The following DPYD variants were observed in gnomAD, a reference collection of about 807,000 sequenced individuals.
The protein encoded by DPYD is dihydropyrimidine dehydrogenase.
DPYD carries 109 observed loss-of-function variants against 116.2 expected under a neutral mutation model. The observed-to-expected ratio is 0.94, with a 90% confidence interval of 0.80 to 1.10. The LOEUF is 1.10. Ranked by LOEUF, DPYD falls within the 50% of genes least tolerant of loss-of-function variation. The pLI is 0.00. For synonymous variants in DPYD, 440 were observed against 432.0 expected, an observed-to-expected ratio of 1.02 and a Z score of -0.23; for missense variants, 1,302 against 1,254.5, an observed-to-expected ratio of 1.04 and a Z score of -0.57.
chr1:97,499,451 A>C (rs965230103), intron 13 of DPYD, among the ~76,000 whole-genome samples: 3 of 151,842 alleles, frequency 2.0e-5, no homozygotes, highest in African/African-American at 7.2e-5. Context: ...TTTACTATGC[A>C]TATATCTCCA....
intron 18 of DPYD, among the ~76,000 whole-genome samples, chr1:97,268,825 T>A (rs1664395991): frequency 6.6e-6 from 1 of 152,188 alleles, no homozygotes; most frequent in Non-Finnish European, 1.5e-5. Context: ...TCTTGATGAA[T>A]AAAACCTGGA....
At chr1:97,345,545 C>T (rs1669797825) in intron 16 of DPYD, among the ~76,000 whole-genome samples, 1 of 151,916 alleles carries the variant, frequency 6.6e-6, no homozygotes, top group African/African-American at 2.4e-5. Context: ...ACCTTTCCCT[C>T]ATAACTCATA....
rs570799723 is a variant in DPYD, at chr1:97,422,730, A to G, written c.1905+27329T>C. 2.0e-5 allele frequency among the ~76,000 whole-genome samples: 3 copies of G among 152,294 alleles called. No individual in the cohort carries two copies. In the East Asian group the frequency reaches 5.8e-4, roughly 29 times the overall value. On this transcript the variant is annotated intron_variant, in intron 14 of 22. Coordinates refer to ENST00000370192, the MANE Select transcript of DPYD (RefSeq NM_000110.4). ...GAGAATACAGTATTCAAGAAAACAT[A>G]TATGACACTTGCATACTTCAAGCTT... is the stretch of plus-strand genomic sequence containing the variant.
intron 18 of DPYD, among the ~76,000 whole-genome samples, chr1:97,266,533 T>C (rs1016038115): frequency 6.6e-6 from 1 of 152,220 alleles, no homozygotes; most frequent in African/African-American, 2.4e-5. Flanking sequence ...TCATTTCTTT[T>C]TTTATTATTA....
chr1:97,495,933 T>G (rs1679240986), intron 13 of DPYD, among the ~76,000 whole-genome samples: 1 of 152,140 alleles, frequency 6.6e-6, no homozygotes, highest in South Asian at 2.1e-4. Flanking sequence ...CTTTATTAGG[T>G]TGACCTTTTC....
chr1:97,341,930 T>C (rs1669606431), intron 16 of DPYD, among the ~76,000 whole-genome samples: 2 of 152,068 alleles, frequency 1.3e-5, no homozygotes, highest in African/African-American at 2.4e-5. Flanking sequence ...ATGCTACAAA[T>C]AGGAGATTTG....
intron 12 of DPYD, among the ~76,000 whole-genome samples, chr1:97,516,221 G>A (rs1024703807): frequency 6.6e-6 from 1 of 151,736 alleles, no homozygotes; most frequent in African/African-American, 2.4e-5. Context: ...AATACAAAAG[G>A]GAATAATTTT....
At chr1:97,250,059 C>A (rs561609600) in intron 18 of DPYD, among the ~76,000 whole-genome samples, 3 of 152,184 alleles carry the variant, frequency 2.0e-5, no homozygotes, top group Admixed American at 2.0e-4. Context: ...ATCACGAGGT[C>A]AGGAGTTGGA....
intron 8 of DPYD, among the ~76,000 whole-genome samples, chr1:97,609,664 A>C (rs1033538638): frequency 2.6e-5 from 4 of 151,974 alleles, no homozygotes; most frequent in African/African-American, 9.7e-5. Flanking sequence ...AAAACTGTTA[A>C]ATACATCGTT....
intron 20 of DPYD, among the ~76,000 whole-genome samples, chr1:97,120,378 C>T (rs1474796778): frequency 2.0e-5 from 3 of 152,242 alleles, no homozygotes; most frequent in African/African-American, 7.2e-5. Context: ...GCCTTTGCCA[C>T]CCATGGGCCA....
intron 3 of DPYD, among the ~76,000 whole-genome samples, chr1:97,815,001 G>T (rs530519493): frequency 3.3e-5 from 5 of 150,064 alleles, no homozygotes; most frequent in Non-Finnish European, 7.4e-5. Context: ...AAGGAAAAGG[G>T]AAAGGGAAAA....
chr1:97,078,542 T>C lies in DPYD; in HGVS notation c.*434A>G, dbSNP rs1353024594. On this transcript the variant is annotated 3_prime_UTR_variant, in exon 23 of 23. Transcript: ENST00000370192. ...CATTAAAATTAAAGGTAATTTTTAA[T>C]GATAAAATGTTTCCTTGGATACATT... is the stretch of plus-strand genomic sequence containing the variant. 4 of 188,768 alleles carry C rather than the reference T, an allele frequency of 2.1e-5. No homozygotes were observed. In the East Asian group the frequency reaches 5.5e-4, roughly 26 times the overall value. 11.7% of individuals were successfully genotyped at this position (188,768 alleles called of 1,614,324 possible).
chr1:97,418,537 T>C (rs1674405371), intron 14 of DPYD, among the ~76,000 whole-genome samples: 1 of 152,112 alleles, frequency 6.6e-6, no homozygotes, highest in Non-Finnish European at 1.5e-5. Context: ...TGACCTCAGG[T>C]GATCCACCCT....
intron 18 of DPYD, among the ~76,000 whole-genome samples, chr1:97,254,889 T>A (rs1663348111): frequency 6.6e-6 from 1 of 152,192 alleles, no homozygotes; most frequent in South Asian, 2.1e-4. Flanking sequence ...ACGCAGAAGA[T>A]AAAACCGAAG....
chr1:97,310,616 T>A (rs2101055629), intron 16 of DPYD, among the ~76,000 whole-genome samples: 1 of 151,952 alleles, frequency 6.6e-6, no homozygotes, highest in South Asian at 2.1e-4. Context: ...TTTTTTAGCA[T>A]GTGTCCTTCT....
chr1:97,893,258 A>G (rs923816174), intron 1 of DPYD, among the ~76,000 whole-genome samples: 1 of 151,314 alleles, frequency 6.6e-6, no homozygotes, highest in African/African-American at 2.4e-5. Flanking sequence ...ATAGAGATGT[A>G]TCTCAGAGGA....
intron 20 of DPYD, among the ~76,000 whole-genome samples, chr1:97,176,407 C>A (rs74660763): frequency 1.4e-4 from 21 of 151,958 alleles, no homozygotes. Flanking sequence ...TCCCCTGGTC[C>A]CCACACAAGG....
chr1:97,487,475 C>T (rs965999634), intron 13 of DPYD, among the ~76,000 whole-genome samples: 1 of 152,068 alleles, frequency 6.6e-6, no homozygotes, highest in African/African-American at 2.4e-5. Flanking sequence ...AGATCGACAC[C>T]ATCCTGGCTA....
At chr1:97,553,745 G>A (rs1651491231) in intron 11 of DPYD, among the ~76,000 whole-genome samples, 1 of 152,020 alleles carries the variant, frequency 6.6e-6, no homozygotes, top group Admixed American at 6.6e-5. Context: ...ATTGCATCTT[G>A]ATGGAGACTG....
Sources: allele counts gnomAD v4.1 joint callset (sites outside exome capture counted in the v4.1 genomes callset), GRCh38; gene constraint gnomAD v4.1.1; transcripts MANE v1.5; gene names NCBI Gene and HGNC (gene_info 2026-07-23, HGNC 2026-07-21).